The following DOCK4 variants were observed in gnomAD, a reference collection of about 807,000 sequenced individuals.
DOCK4 encodes the protein dedicator of cytokinesis 4, also known as dedicator of cytokinesis protein 4.
DOCK4 carries 97 observed loss-of-function variants against 268.1 expected under a neutral mutation model. The observed-to-expected ratio is 0.36, with a 90% CI of 0.31 to 0.43. The LOEUF (loss-of-function observed/expected upper bound fraction) is 0.43. DOCK4 is among the 20% of genes least tolerant of loss of function. The pLI is 1.00. For missense variants in DOCK4, 2,145 were observed against 2,455.7 expected, an observed-to-expected ratio of 0.87 and a Z score of 2.67; for synonymous variants, 954 against 887.2, an observed-to-expected ratio of 1.08 and a Z score of -1.34.
chr7:111,741,683 T>C (rs769031094), intron 45 of DOCK4, 22 bp from the exon 46 acceptor site: 213 of 1,610,038 alleles, frequency 1.3e-4, no homozygotes, highest in Non-Finnish European at 4.2e-5. Flanking sequence ...GTAAAGGAAA[T>C]ATCTCATTAC....
Position 111,732,305 on chromosome 7 carries a change from G to T in DOCK4, c.5420-18C>A, listed in dbSNP as rs748841957. The T allele has an allele frequency of 2.4e-5, 38 of 1,613,440 alleles. No homozygotes were observed. Among genetic ancestry groups the T allele is most frequent in the Non-Finnish European group, 2.8e-5 (33 of 1,179,622 alleles). On this transcript the variant is annotated intron_variant, in intron 51 of 52. Coordinates refer to ENST00000428084, the MANE Select transcript of DOCK4 (RefSeq NM_001363540.2). ...TGGTGAAGCTGTCAATGGGGAGAGA[G>T]ATAACATTTCAATTAAGAAAAACCA... is the stretch of plus-strand genomic sequence containing the variant.
intron 1 of DOCK4, among the ~76,000 whole-genome samples, chr7:112,071,998 T>C (rs1331440082): frequency 6.6e-6 from 1 of 152,226 alleles, no homozygotes; most frequent in Non-Finnish European, 1.5e-5. Context: ...ATCCCTCACC[T>C]TGCTGAACTC....
chr7:112,021,156 A>T (rs961757456), intron 1 of DOCK4, among the ~76,000 whole-genome samples: 3 of 152,252 alleles, frequency 2.0e-5, no homozygotes, highest in Non-Finnish European at 2.9e-5. Context: ...TCCAGAAATC[A>T]GCCTTTTATA....
rs144377129 is a variant in DOCK4 at position 111,749,590 on chromosome 7, A to G, written c.4417-2147T>C. Reference sequence around the variant, plus strand: ...TTTCTAAAAGTAAATAAAACAAGACATAATAAACACAGGCAAAATACAAAC... The same window carrying G: ...TTTCTAAAAGTAAATAAAACAAGACGTAATAAACACAGGCAAAATACAAAC... On this transcript the variant is annotated intron_variant, in intron 42 of 52. Coordinates refer to ENST00000428084, the MANE Select transcript of DOCK4 (RefSeq NM_001363540.2). Among the ~76,000 whole-genome samples, 8 of 152,336 alleles carry G rather than the reference A, an allele frequency of 5.3e-5. No homozygotes were observed. The East Asian group carries it at 1.5e-3, about 29-fold the overall frequency.
chr7:112,106,880 G>A (rs1259195910), intron 1 of DOCK4, among the ~76,000 whole-genome samples: 2 of 152,012 alleles, frequency 1.3e-5, no homozygotes, highest in Non-Finnish European at 2.9e-5. Flanking sequence ...AAGTCTGAAG[G>A]GGAAAAAAAA....
intron 1 of DOCK4, among the ~76,000 whole-genome samples, chr7:112,087,508 A>C (rs1395585326): frequency 6.6e-6 from 1 of 152,184 alleles, no homozygotes; most frequent in African/African-American, 2.4e-5. Context: ...CAATAATGAC[A>C]AAGCAAAATA....
At chr7:112,057,371 C>T (rs376728805) in intron 1 of DOCK4, among the ~76,000 whole-genome samples, 1 of 151,846 alleles carries the variant, frequency 6.6e-6, no homozygotes, top group Non-Finnish European at 1.5e-5. Context: ...AGCAACACAG[C>T]GAAACCCCAT....
intron 39 of DOCK4, among the ~76,000 whole-genome samples, chr7:111,760,781 T>TGTGTGC (rs61045792): frequency 1.2e-3 from 171 of 143,434 alleles, no homozygotes; most frequent in African/African-American, 4.4e-3. Context: ...TGTGTGTGTG[T>TGTGTGC]GTATTCTGCC....
intron 1 of DOCK4, among the ~76,000 whole-genome samples, chr7:112,165,176 T>C (rs745360160): frequency 6.6e-6 from 1 of 152,192 alleles, no homozygotes; most frequent in Non-Finnish European, 1.5e-5. Context: ...CCAGGGTATT[T>C]AGGGTGCCCG....
chr7:111,902,072 C>G (rs1791194340), intron 13 of DOCK4, among the ~76,000 whole-genome samples: 1 of 152,132 alleles, frequency 6.6e-6, no homozygotes. Context: ...ATTGTCAAGT[C>G]TCACCATTTT....
chr7:111,762,762 C>CTTTCTTTTTTTTTTTTTTTTTTTTTT (rs1797505856), intron 39 of DOCK4, among the ~76,000 whole-genome samples: 2 of 63,068 alleles, frequency 3.2e-5, no homozygotes, highest in Admixed American at 2.6e-4. Flanking sequence ...GTTTTGTTTT[C>CTTTCTTTTTTTTTTTTTTTTTTTTTT]TTTTTTTTTT....
intron 37 of DOCK4, among the ~76,000 whole-genome samples, chr7:111,768,055 T>A (rs1463822291): frequency 1.3e-5 from 2 of 152,160 alleles, no homozygotes; most frequent in African/African-American, 4.8e-5. Flanking sequence ...TGTGTTCCAA[T>A]AAGAATTTAG....
At chr7:111,933,172 ATACACATATATAC>A (rs1794364729) in intron 12 of DOCK4, among the ~76,000 whole-genome samples, 2 of 145,794 alleles carry the variant, frequency 1.4e-5, no homozygotes, top group Non-Finnish European at 3.0e-5. Context: ...ATATACGTAT[ATACACATATATAC>A]GTATATACAC....
At position 111,987,391 on chromosome 7, in the gene DOCK4, C is replaced by T. The variant is rs144179956; in HGVS notation, c.464+1624G>A. The stretch of plus-strand genomic sequence containing the variant: ...GTTATTTTGGATAAGCTAACTTCCT[C>T]CAACTTTCTTCCTATTTACAAACTA... On this transcript the variant is annotated intron_variant, in intron 6 of 52. Coordinates refer to ENST00000428084, the MANE Select transcript of DOCK4 (RefSeq NM_001363540.2). Among the ~76,000 whole-genome samples, 372 of 152,300 alleles carry T rather than the reference C, an allele frequency of 2.4e-3. 2 individuals are homozygous for T. The highest frequency in any genetic ancestry group is 8.6e-3 in the African/African-American group (358 of 41,562).
chr7:111,829,763 T>C (rs912971293), intron 26 of DOCK4, among the ~76,000 whole-genome samples: 3 of 152,336 alleles, frequency 2.0e-5, no homozygotes, highest in South Asian at 2.1e-4. Context: ...GCATATAAAA[T>C]GCTTGCTGTT....
At chr7:111,764,903 C>T (rs1797674113) in intron 39 of DOCK4, among the ~76,000 whole-genome samples, 1 of 151,276 alleles carries the variant, frequency 6.6e-6, no homozygotes, top group Admixed American at 6.6e-5. Context: ...AGATTGCTCA[C>T]AAAATATACC....
At chr7:111,874,543 C>T (rs1806686080) in intron 17 of DOCK4, among the ~76,000 whole-genome samples, 1 of 152,180 alleles carries the variant, frequency 6.6e-6, no homozygotes, top group South Asian at 2.1e-4. Flanking sequence ...ATCATGTATG[C>T]AAAATACTTC....
At chr7:112,113,175 C>A (rs964956269) in intron 1 of DOCK4, among the ~76,000 whole-genome samples, 3 of 152,192 alleles carry the variant, frequency 2.0e-5, no homozygotes, top group African/African-American at 7.2e-5. Context: ...TGGCCAAGTT[C>A]TAGCAGTTTA....
At chr7:112,150,726 AG>A (rs1815978197) in intron 1 of DOCK4, among the ~76,000 whole-genome samples, 2 of 152,156 alleles carry the variant, frequency 1.3e-5, no homozygotes, top group South Asian at 4.1e-4. Context: ...CTAAGCACCA[AG>A]GTGACTTAAT....
Sources: allele counts gnomAD v4.1 joint callset (sites outside exome capture counted in the v4.1 genomes callset), GRCh38; gene constraint gnomAD v4.1.1; transcripts MANE v1.5; gene names NCBI Gene and HGNC (gene_info 2026-07-23, HGNC 2026-07-21).